The following SS18L1 variants were observed in gnomAD, a reference collection of about 807,000 sequenced individuals.
SS18L1 encodes the protein calcium-responsive transactivator.
A neutral mutation model predicts 70.3 loss-of-function variants in SS18L1; 32 were observed. That is an observed-to-expected ratio of 0.46 (90% confidence interval 0.34 to 0.61). SS18L1 has a LOEUF of 0.61. Among genes scored for constraint, SS18L1 ranks in the 20% least tolerant of loss-of-function variants. SS18L1 has a pLI of 0.01. For synonymous variants in SS18L1, 237 were observed against 229.7 expected, an observed-to-expected ratio of 1.03 and a Z score of -0.29; for missense variants, 430 against 542.1, an observed-to-expected ratio of 0.79 and a Z score of 2.05.
At chr20:62,165,326 C>T in intron 7 of SS18L1, 96 bp from the exon 8 acceptor site, 2 of 1,245,620 alleles carry the variant, frequency 1.6e-6, no homozygotes. Flanking sequence ...CCTCCCTGGC[C>T]AGACAACATC....
chr20:62,165,353 C>T, intron 7 of SS18L1, 69 bp from the exon 8 acceptor site: 2 of 1,467,558 alleles, frequency 1.4e-6, no homozygotes, highest in South Asian at 1.2e-5. Flanking sequence ...GCCTGGGTCT[C>T]AGTTGCCTCC....
At chr20:62,164,620 G>A (rs1160792192) in intron 7 of SS18L1, among the ~76,000 whole-genome samples, 1 of 152,240 alleles carries the variant, frequency 6.6e-6, no homozygotes, top group African/African-American at 2.4e-5. Context: ...ATGCCCTGAA[G>A]GTGACGGCTC....
intron 3 of SS18L1, among the ~76,000 whole-genome samples, chr20:62,160,359 GGATGGGGAGA>G (rs2057305207): frequency 1.1e-5 from 1 of 94,490 alleles, no homozygotes; most frequent in Non-Finnish European, 1.9e-5. Flanking sequence ...GAGAGAGGTG[GGATGGGGAGA>G]GGTGGGGAGA....
Position 62,163,445 on chromosome 20 carries a change from T to A in SS18L1, c.557-13T>A, listed in dbSNP as rs1291054400. 1 of 1,611,768 alleles carries A rather than the reference T, an allele frequency of 6.2e-7. No individual in the cohort carries two copies. On this transcript the variant is annotated splice_polypyrimidine_tract_variant and intron_variant, in intron 5 of 10. Coordinates refer to ENST00000331758, the MANE Select transcript of SS18L1 (RefSeq NM_198935.3). ...TTCCCGGGGTGATGTGGGGCCTCTG[T>A]CCTGTCGTTCAGTCTCCATGATGCA...
rs549886905 is a variant in SS18L1 at position 62,152,964 on chromosome 20, G to A, written c.70-5708G>A. The stretch of plus-strand genomic sequence containing the variant: ...TCAGGAGTCAAGAAGCACCATGGGC[G>A]TGTGTGTTAGTTGTTCTTACACTGC... On this transcript the variant is annotated intron_variant, in intron 1 of 10. Transcript: ENST00000331758. Among the ~76,000 whole-genome samples, 135 of 152,302 alleles carry A rather than the reference G, an allele frequency of 8.9e-4. 2 individuals are homozygous for A. The highest frequency in any genetic ancestry group is 3.2e-3 in the African/African-American group (132 of 41,572).
chr20:62,154,897 A>G (rs1270094059), intron 1 of SS18L1, among the ~76,000 whole-genome samples: 1 of 152,008 alleles, frequency 6.6e-6, no homozygotes, highest in Non-Finnish European at 1.5e-5. Flanking sequence ...ACCTCGGTCG[A>G]TCCGTCCTGC....
intron 1 of SS18L1, among the ~76,000 whole-genome samples, chr20:62,157,017 G>C (rs1018673720): frequency 6.6e-6 from 1 of 152,146 alleles, no homozygotes; most frequent in South Asian, 2.1e-4. Context: ...GGCGGGTGTC[G>C]CCTCTTCTCA....
chr20:62,163,659 A>G (rs2057374047), intron 6 of SS18L1, 37 bp downstream of exon 6: 1 of 1,507,648 alleles, frequency 6.6e-7, no homozygotes, highest in Non-Finnish European at 8.8e-7. Context: ...GGCACAGCTG[A>G]CCGCCGCGGG....
intron 1 of SS18L1, among the ~76,000 whole-genome samples, chr20:62,157,121 C>T (rs903815801): frequency 3.9e-5 from 6 of 152,260 alleles, no homozygotes; most frequent in Middle Eastern, 6.8e-3. Context: ...TTGAAAGAGC[C>T]GGCTCTCCTG....
chr20:62,149,819 C>T (rs574048976), intron 1 of SS18L1, among the ~76,000 whole-genome samples: 16 of 152,332 alleles, frequency 1.1e-4, no homozygotes, highest in African/African-American at 3.4e-4. Context: ...TGCAGGAAAC[C>T]ATCGCAAGTC....
intron 1 of SS18L1, among the ~76,000 whole-genome samples, chr20:62,144,191 C>T (rs1446874878): frequency 6.6e-6 from 1 of 151,452 alleles, no homozygotes; most frequent in Non-Finnish European, 1.5e-5. Flanking sequence ...CTGCCGGCCC[C>T]CGAGCGCGCT....
chr20:62,162,317 T>C (rs79689175), intron 4 of SS18L1, among the ~76,000 whole-genome samples: 1 of 146,442 alleles, frequency 6.8e-6, no homozygotes, highest in Admixed American at 6.6e-5. Context: ...CTTTTTTTTT[T>C]GAGACAGAGT....
chr20:62,175,678 T>C (rs1448906777), intron 10 of SS18L1, among the ~76,000 whole-genome samples: 1 of 152,188 alleles, frequency 6.6e-6, no homozygotes, highest in Non-Finnish European at 1.5e-5. Flanking sequence ...TTCAAAGCAC[T>C]ACATCGCTCA....
rs373891780 is a variant in SS18L1 at position 62,162,745 on chromosome 20, A to G, written c.377-7A>G. 5 of 1,602,224 alleles carry G rather than the reference A, an allele frequency of 3.1e-6. No homozygotes were observed. The highest frequency in any genetic ancestry group is 4.3e-6 in the Non-Finnish European group (5 of 1,172,310). ...TGCCTGACACCACTCCCTGCTCCCC[A>G]TGCCAGGGCCGAGCCACGTGTCCAT... On this transcript the variant is annotated splice_region_variant and splice_polypyrimidine_tract_variant and intron_variant, in intron 4 of 10. Transcript: ENST00000331758.
At chr20:62,162,976 C>A (rs370317803) in intron 5 of SS18L1, 45 bp downstream of exon 5, 8 of 1,595,976 alleles carry the variant, frequency 5.0e-6, no homozygotes, top group East Asian at 2.3e-5. Context: ...GGGCCTGCCT[C>A]CAAGACCCTT....
At chr20:62,157,535 A>G (rs1049286580) in intron 1 of SS18L1, among the ~76,000 whole-genome samples, 2 of 152,156 alleles carry the variant, frequency 1.3e-5, no homozygotes, top group Non-Finnish European at 2.9e-5. Context: ...TCCCTGGACC[A>G]GAAGCCTCCA....
chr20:62,163,806 C>T (rs371879304), intron 6 of SS18L1, among the ~76,000 whole-genome samples, 184 bp downstream of exon 6: 28 of 151,824 alleles, frequency 1.8e-4, no homozygotes, highest in African/African-American at 5.8e-4. Context: ...GGGTGTGGCC[C>T]GTGGAGGGTC....
chr20:62,177,385 T>G (rs568888905), intron 10 of SS18L1, among the ~76,000 whole-genome samples: 16 of 152,020 alleles, frequency 1.1e-4, no homozygotes, highest in African/African-American at 3.6e-4. Context: ...GCTTTCCGTC[T>G]TACCCAATGG....
Position 62,158,816 on chromosome 20 carries a change from AC to A in SS18L1, c.146+69del, listed in dbSNP as rs769656534. On this transcript the variant is annotated intron_variant, in intron 2 of 10. Coordinates refer to ENST00000331758, the MANE Select transcript of SS18L1 (RefSeq NM_198935.3). This position sits in a 1 kb window ranked among gnomAD's most constrained non-coding sequence, Gnocchi z 4.5. Reference sequence around the variant, plus strand: ...CAGAGTCTAAGCACAGAGGCCAGATACGTCCCAAGAGTCCCCCAGCACAGAG... The same window carrying A: ...CAGAGTCTAAGCACAGAGGCCAGATAGTCCCAAGAGTCCCCCAGCACAGAG... 9.3e-6 allele frequency: 15 copies of A among 1,611,946 alleles called. No homozygotes were observed. The highest frequency in any genetic ancestry group is 1.3e-5 in the Non-Finnish European group (15 of 1,179,488).
Sources: gnomAD v4.1 joint callset for allele counts (sites outside exome capture counted in the v4.1 genomes callset) on GRCh38, gnomAD v4.1.1 for gene constraint, Gnocchi (gnomAD v3.1) non-coding constraint, MANE v1.5 for transcripts, NCBI Gene and HGNC (gene_info 2026-07-23, HGNC 2026-07-21) for gene names.